Variants in SMAD4 observed in about 807,000 individuals in gnomAD.
SMAD4 encodes SMAD family member 4.
In SMAD4, 7 loss-of-function variants were observed where a neutral mutation model predicts 63.2. The observed-to-expected ratio is 0.11, with a 90% CI of 0.06 to 0.21. The LOEUF (loss-of-function observed/expected upper bound fraction) is 0.21. Among genes scored for constraint, SMAD4 ranks in the 10% least tolerant of loss-of-function variants. The pLI is 1.00. For missense variants in SMAD4, 312 were observed against 693.8 expected (o/e 0.45, Z 6.18); for synonymous variants, 215 against 235.4 (o/e 0.91, Z 0.79).
At chr18:51,069,418 G>T (rs1910257118) in intron 10 of SMAD4, among the ~76,000 whole-genome samples, 1 of 152,112 alleles carries the variant, frequency 6.6e-6, no homozygotes, top group Non-Finnish European at 1.5e-5. Context: ...CTGGCCTTTT[G>T]TTGTTATTTT....
intron 9 of SMAD4, among the ~76,000 whole-genome samples, chr18:51,066,185 C>G (rs1030221071): frequency 6.6e-6 from 1 of 152,050 alleles, no homozygotes; most frequent in Non-Finnish European, 1.5e-5. Context: ...AACCCTGTCT[C>G]TACCAAAAAT....
chr18:51,073,487 A>G (rs1910388648), intron 10 of SMAD4, among the ~76,000 whole-genome samples: 1 of 150,352 alleles, frequency 6.7e-6, no homozygotes, highest in South Asian at 2.1e-4. Context: ...CCTAAATGTA[A>G]AACACAAAAC....
chr18:51,072,289 TAGGTGTGA>T (rs1385645732), intron 10 of SMAD4, among the ~76,000 whole-genome samples: 15 of 152,166 alleles, frequency 9.9e-5, no homozygotes, highest in Non-Finnish European at 1.6e-4. Flanking sequence ...GCCATTGTAG[TAGGTGTGA>T]AGTATAATCT....
At chr18:51,054,265 T>A (rs1366674826) in intron 4 of SMAD4, 1 of 165,680 alleles carries the variant, frequency 6.0e-6, no homozygotes, top group Non-Finnish European at 1.3e-5. Flanking sequence ...ACACTTCATT[T>A]TTAAAGAATA....
intron 10 of SMAD4, among the ~76,000 whole-genome samples, chr18:51,070,515 C>T (rs1020059162): frequency 1.3e-5 from 2 of 152,216 alleles, no homozygotes; most frequent in African/African-American, 2.4e-5. Context: ...AAGTATATTA[C>T]TGTTCTTTAG....
chr18:51,066,835 C>T (rs1407740790), intron 9 of SMAD4, 184 bp from the exon 10 acceptor site: 2 of 576,818 alleles, frequency 3.5e-6, no homozygotes, highest in East Asian at 3.0e-5. Context: ...TAAATATGTG[C>T]ATCATTATTA....
chr18:51,045,685 C>G (rs1243591804), intron 1 of SMAD4, among the ~76,000 whole-genome samples: 1 of 152,056 alleles, frequency 6.6e-6, no homozygotes, highest in African/African-American at 2.4e-5. Flanking sequence ...GTGTACAATT[C>G]AGTGGTTTTT....
chr18:51,058,378 T>C lies in SMAD4; in HGVS notation c.826T>C (p.Tyr276His). 1 of 1,614,050 alleles carries C rather than the reference T, an allele frequency of 6.2e-7. No individual in the cohort carries two copies. The highest frequency in any genetic ancestry group is 8.5e-7 in the Non-Finnish European group (1 of 1,180,004). The change falls in exon 7 of 12, where the codon TAC becomes CAC. Residue 276 changes from tyrosine to histidine, a missense_variant. Physicochemically the swap from Tyr to His is moderately conservative, Grantham distance 83. This residue lies in a region of SMAD4 where 169 missense variants were observed against 211.0 expected (regional missense o/e 0.80). Transcript: ENST00000342988. ...TTWTGSRTAP[Y>H]TPNLPHHQNG... is the part of the protein sequence containing the mutation. ...CTGGACTGGAAGTAGGACTGCACCA[T>C]ACACACCTAATTTGCCTCACCACCA...
At chr18:51,036,716 G>A (rs898328134) in intron 1 of SMAD4, among the ~76,000 whole-genome samples, 1 of 152,142 alleles carries the variant, frequency 6.6e-6, no homozygotes, top group Non-Finnish European at 1.5e-5. Context: ...AAAACTAACA[G>A]TACCTCAGAC....
intron 4 of SMAD4, chr18:51,052,996 T>C (rs576019505): frequency 1.3e-5 from 2 of 152,530 alleles, no homozygotes; most frequent in African/African-American, 4.8e-5. Flanking sequence ...TTATGGATTA[T>C]CTGGGGTTAA....
intron 1 of SMAD4, among the ~76,000 whole-genome samples, chr18:51,040,227 C>A (rs1909334113): frequency 6.6e-6 from 1 of 152,038 alleles, no homozygotes; most frequent in Non-Finnish European, 1.5e-5. Flanking sequence ...GAGATCGAGA[C>A]CATCCTGGCC....
At chr18:51,050,086 G>A (rs994420269) in intron 4 of SMAD4, among the ~76,000 whole-genome samples, 5 of 152,200 alleles carry the variant, frequency 3.3e-5, no homozygotes, top group African/African-American at 7.2e-5. Flanking sequence ...AGCCAGGCAC[G>A]GTGGTTCACA....
At chr18:51,041,534 A>C (rs1417414972) in intron 1 of SMAD4, among the ~76,000 whole-genome samples, 1 of 152,204 alleles carries the variant, frequency 6.6e-6, no homozygotes, top group Non-Finnish European at 1.5e-5. Context: ...CCAGATGCCC[A>C]GTAGTATCCA....
chr18:51,035,446 G>A (rs1350449866), intron 1 of SMAD4, among the ~76,000 whole-genome samples: 1 of 152,098 alleles, frequency 6.6e-6, no homozygotes, highest in African/African-American at 2.4e-5. Flanking sequence ...GGAGGCTAAG[G>A]CAAGAGGATC....
intron 1 of SMAD4, among the ~76,000 whole-genome samples, chr18:51,040,474 G>C (rs929255849): frequency 6.6e-6 from 1 of 151,870 alleles, no homozygotes; most frequent in African/African-American, 2.4e-5. Context: ...ATAGTAAGTA[G>C]TTTATTGATC....
At chr18:51,031,737 C>CAAA (rs373402789) in intron 1 of SMAD4, among the ~76,000 whole-genome samples, 1,699 of 134,520 alleles carry the variant, frequency 0.013, 33 homozygotes, top group African/African-American at 0.043. Flanking sequence ...CATTTAGTAT[C>CAAA]AAAAAAAAAA....
At chr18:51,052,830 G>T (rs900745065) in intron 4 of SMAD4, 7 of 160,908 alleles carry the variant, frequency 4.4e-5, no homozygotes, top group African/African-American at 1.7e-4. Context: ...TACTGTTCTG[G>T]ACCTTGGTTT....
intron 10 of SMAD4, among the ~76,000 whole-genome samples, chr18:51,073,380 TATATATATAC>T (rs1335750831): frequency 2.6e-4 from 23 of 88,000 alleles, no homozygotes; most frequent in East Asian, 7.6e-4. Flanking sequence ...TATATATATA[TATATATATAC>T]ACACACACAC....
chr18:51,068,944 A>G (rs966136963), intron 10 of SMAD4, among the ~76,000 whole-genome samples: 1 of 152,028 alleles, frequency 6.6e-6, no homozygotes, highest in Non-Finnish European at 1.5e-5. Context: ...TAAATAGACA[A>G]TACATAGACT....
Sources: gnomAD v4.1 joint callset for allele counts (sites outside exome capture counted in the v4.1 genomes callset) on GRCh38, gnomAD v4.1.1 for gene constraint, gnomAD v4.1.1 regional missense constraint, MANE v1.5 for transcripts, NCBI Gene and HGNC (gene_info 2026-07-23, HGNC 2026-07-21) for gene names.